Variants in TMEM97 observed in about 807,000 individuals in gnomAD.
TMEM97 encodes sigma intracellular receptor 2.
Under a neutral mutation model 18.3 loss-of-function variants are expected in TMEM97, and 13 were observed. The ratio of observed to expected loss-of-function variants is 0.71; its 90% confidence interval spans 0.46 to 1.13. The LOEUF is 1.13. Ranked by LOEUF, TMEM97 falls within the 50% of genes most tolerant of loss-of-function variation. The pLI, the probability that TMEM97 is intolerant of heterozygous loss-of-function variation, is 0.00. For synonymous variants in TMEM97, 76 were observed against 85.3 expected, an observed-to-expected ratio of 0.89 and a Z score of 0.60; for missense variants, 205 against 210.5, an observed-to-expected ratio of 0.97 and a Z score of 0.16.
At chr17:28,325,456 G>A in intron 1 of TMEM97, 47 bp from the exon 2 acceptor site, 1 of 1,605,736 alleles carries the variant, frequency 6.2e-7, no homozygotes. Context: ...CGCCGAGCCT[G>A]TTGAGGGCAA....
In TMEM97 at chr17:28,328,586, G is replaced by T; in HGVS notation, c.*1793G>T. ...GGTCAAGCCGCTGGAATGCTACAGA[G>T]GTTTTTTTGGTTTTGAGAGGCTTTT... On this transcript the variant is annotated 3_prime_UTR_variant, in exon 3 of 3. Coordinates refer to ENST00000226230, the MANE Select transcript of TMEM97 (RefSeq NM_014573.3). 1.0e-6 allele frequency: 1 copy of T among 976,768 alleles called. No homozygotes were observed. Among genetic ancestry groups the T allele is most frequent in the Non-Finnish European group, 1.6e-6 (1 of 633,176 alleles). The allele number at this position is 976,768 out of a possible 1,614,324, so 60.5% of individuals were successfully genotyped here.
chr17:28,319,445 C>T, intron 1 of TMEM97, 80 bp downstream of exon 1: 3 of 1,431,120 alleles, frequency 2.1e-6, no homozygotes, highest in South Asian at 1.5e-5. Flanking sequence ...CCTCCGCGCT[C>T]GCGCACTCTG....
rs1906346696 is a variant in TMEM97 at position 28,326,546 on chromosome 17, G to A, written c.284G>A (p.Trp95Ter). The A allele has an allele frequency of 6.2e-7, 1 of 1,613,424 alleles. No homozygotes were observed. The highest frequency in any genetic ancestry group is 8.5e-7 in the Non-Finnish European group (1 of 1,179,462). The stretch of plus-strand genomic sequence containing the variant: ...CTGACTACCTCAGGAAGCTGCAAGT[G>A]GATTCGAACTCCTGCAATCATCTAC... ...TYAFLKGSCK[W>*]IRTPAIIYSV... The change falls in exon 3 of 3, where the codon TGG becomes TAG. Residue 95 changes from tryptophan to a stop codon, truncating the protein, a stop_gained. Transcript: ENST00000226230. LOFTEE classifies it high-confidence loss of function.
Position 28,319,222 on chromosome 17 carries a change from A to G in TMEM97, c.-18A>G, listed in dbSNP as rs1555574645. On this transcript the variant is annotated 5_prime_UTR_variant, in exon 1 of 3. Coordinates refer to ENST00000226230, the MANE Select transcript of TMEM97 (RefSeq NM_014573.3). ...CCCCTCTTCTCACATCAGCGGGTCC[A>G]GGCCCAACCGACAGACTATGGGGGC... 6 of 1,594,816 alleles carry G rather than the reference A, an allele frequency of 3.8e-6. No individual in the cohort carries two copies. The African/African-American group carries it at 6.8e-5, about 18-fold the overall frequency.
intron 1 of TMEM97, 104 bp downstream of exon 1, chr17:28,319,469 T>G: frequency 7.3e-7 from 1 of 1,362,194 alleles, no homozygotes; most frequent in Non-Finnish European, 9.6e-7. Context: ...TCCAGTTGCC[T>G]CTCTCGGGTC....
In TMEM97 at chr17:28,326,948, A is replaced by C; in HGVS notation, c.*155A>C. On this transcript the variant is annotated 3_prime_UTR_variant, in exon 3 of 3. Coordinates refer to ENST00000226230, the MANE Select transcript of TMEM97 (RefSeq NM_014573.3). Reference sequence around the variant, plus strand: ...AAGATGGTGTCAGGAACCATGTCAAACCCTCACCTTCTTCCATTTTTTTTT... The same window carrying C: ...AAGATGGTGTCAGGAACCATGTCAACCCCTCACCTTCTTCCATTTTTTTTT... 2 of 955,496 alleles carry C rather than the reference A, an allele frequency of 2.1e-6. No homozygotes were observed. Among genetic ancestry groups the C allele is most frequent in the South Asian group, 1.7e-5 (1 of 58,780 alleles). The allele number at this position is 955,496 out of a possible 1,614,324, so 59.2% of individuals were successfully genotyped here.
intron 2 of TMEM97, 66 bp downstream of exon 2, chr17:28,325,713 G>T: frequency 6.2e-7 from 1 of 1,601,638 alleles, no homozygotes; most frequent in Admixed American, 1.7e-5. Flanking sequence ...TTTTGGGAAA[G>T]TATCTCCAAA....
At chr17:28,325,728 AG>A in intron 2 of TMEM97, 81 bp downstream of exon 2, 1 of 1,576,202 alleles carries the variant, frequency 6.3e-7, no homozygotes, top group Admixed American at 1.7e-5. Context: ...TCCAAAGGGA[AG>A]GGGATGGTCC....
At chr17:28,326,475 T>C in intron 2 of TMEM97, 59 bp from the exon 3 acceptor site, 2 of 1,561,958 alleles carry the variant, frequency 1.3e-6, no homozygotes, top group African/African-American at 1.4e-5. Context: ...GGGAAGGTCA[T>C]GGACACCTTT....
At position 28,328,502 on chromosome 17, in the gene TMEM97, T is replaced by C; in HGVS notation, c.*1709T>C. 1.5e-6 allele frequency: 1 copy of C among 655,150 alleles called. No homozygotes were observed. Among genetic ancestry groups the C allele is most frequent in the Non-Finnish European group, 2.7e-6 (1 of 364,640 alleles). 40.6% of individuals were successfully genotyped at this position (655,150 alleles called of 1,614,324 possible). On this transcript the variant is annotated 3_prime_UTR_variant, in exon 3 of 3. Coordinates refer to ENST00000226230, the MANE Select transcript of TMEM97 (RefSeq NM_014573.3). ...GTTAAAACTGGCTCCCCCAGACTTG[T>C]AGTGCTGTCTTCAGGGGGCTGCATT...
intron 2 of TMEM97, 98 bp from the exon 3 acceptor site, chr17:28,326,436 G>A (rs1906339362): frequency 1.4e-6 from 2 of 1,431,912 alleles, no homozygotes; most frequent in Non-Finnish European, 9.5e-7. Context: ...GGAGAAGGGA[G>A]TAGAAGAAAG....
In TMEM97 at chr17:28,326,438, A is replaced by G; in HGVS notation, c.272-96A>G. The G allele has an allele frequency of 5.6e-6, 8 of 1,437,506 alleles. No homozygotes were observed. The South Asian group carries it at 8.1e-5, about 15-fold the overall frequency. The allele number at this position is 1,437,506 out of a possible 1,614,324, so 89.0% of individuals were successfully genotyped here. A position where few individuals can be genotyped will look rare whatever the true frequency, so the allele number is the denominator to read the frequency against. ...CGAGTTTCCACTTGGAGAAGGGAGT[A>G]GAAGAAAGCAGGCAGGCAGAGACAG... is the stretch of plus-strand genomic sequence containing the variant. On this transcript the variant is annotated intron_variant, in intron 2 of 2. Transcript: ENST00000226230.
chr17:28,320,782 C>T (rs1205465936), intron 1 of TMEM97, among the ~76,000 whole-genome samples: 1 of 152,220 alleles, frequency 6.6e-6, no homozygotes, highest in Non-Finnish European at 1.5e-5. Context: ...CTTGCCTCTT[C>T]CATTTTCTGG....
At chr17:28,322,826 A>T (rs60289888) in intron 1 of TMEM97, among the ~76,000 whole-genome samples, 152,349 of 152,350 alleles carry the variant, frequency 1, 76,174 homozygotes, top group Non-Finnish European at 1. Context: ...TGAGTCAAAT[A>T]GAGTCAGGTA....
Position 28,326,784 on chromosome 17 carries a change from A to G in TMEM97, c.522A>G (p.Lys174=). 1 of 1,610,894 alleles carries G rather than the reference A, an allele frequency of 6.2e-7. No individual in the cohort carries two copies. Among genetic ancestry groups the G allele is most frequent in the Non-Finnish European group, 8.5e-7 (1 of 1,179,336 alleles). Residue 174 remains lysine (K), a synonymous_variant, in exon 3 of 3, where the codon AAA becomes AAG. Transcript: ENST00000226230. The part of the protein sequence containing the change: ...SPYYKYEEKR[K]KK Reference sequence around the variant, plus strand: ...ACTACAAGTATGAAGAGAAAAGAAAAAAAAAATGAAGGAAACAACCACTGG... The same window carrying G: ...ACTACAAGTATGAAGAGAAAAGAAAGAAAAAATGAAGGAAACAACCACTGG...
At position 28,326,704 on chromosome 17, in the gene TMEM97, G is replaced by A. The variant is rs1437603568; in HGVS notation, c.442G>A (p.Ala148Thr). The A allele has an allele frequency of 2.5e-6, 4 of 1,613,840 alleles. No individual in the cohort carries two copies. In the African/African-American group the frequency reaches 5.3e-5, roughly 22 times the overall value. The change falls in exon 3 of 3, where the codon GCC becomes ACC. Residue 148 changes from alanine to threonine, a missense_variant. By Grantham distance (58) the Ala-to-Thr change is moderately conservative. Coordinates refer to ENST00000226230, the MANE Select transcript of TMEM97 (RefSeq NM_014573.3). ...ACGGTTAACCCTTGTGTCTGTCTAT[G>A]CCCCCTACTTACTCATCCCATTCAT... ...HERLTLVSVY[A>T]PYLLIPFILL...
chr17:28,326,366 C>T (rs1045213872), intron 2 of TMEM97, among the ~76,000 whole-genome samples, 168 bp from the exon 3 acceptor site: 3 of 152,172 alleles, frequency 2.0e-5, no homozygotes, highest in Non-Finnish European at 4.4e-5. Flanking sequence ...TGAGCTGTCA[C>T]GTAAGTCTGC....
chr17:28,328,562 G>C lies in TMEM97; in HGVS notation c.*1769G>C, dbSNP rs956438084. ...CCACCTCTTGTGACATAGGTCATTG[G>C]TCAAGCCGCTGGAATGCTACAGAGG... On this transcript the variant is annotated 3_prime_UTR_variant, in exon 3 of 3. Coordinates refer to ENST00000226230, the MANE Select transcript of TMEM97 (RefSeq NM_014573.3). 3 of 796,118 alleles carry C rather than the reference G, an allele frequency of 3.8e-6. No homozygotes were observed. Among genetic ancestry groups the C allele is most frequent in the South Asian group, 3.2e-5 (2 of 62,950 alleles). 49.3% of individuals were successfully genotyped at this position (796,118 alleles called of 1,614,324 possible). A position where few individuals can be genotyped will look rare whatever the true frequency, so the allele number is the denominator to read the frequency against.
chr17:28,320,079 G>A (rs559205537), intron 1 of TMEM97, among the ~76,000 whole-genome samples: 4 of 149,470 alleles, frequency 2.7e-5, no homozygotes, highest in African/African-American at 1.0e-4. Flanking sequence ...GGTTCGTTGA[G>A]GTTTTTTTCT....
Sources: allele counts gnomAD v4.1 joint callset (sites outside exome capture counted in the v4.1 genomes callset), GRCh38; gene constraint gnomAD v4.1.1; transcripts MANE v1.5; gene names NCBI Gene and HGNC (gene_info 2026-07-23, HGNC 2026-07-21).